The following SYK variants were observed in gnomAD, a reference collection of about 807,000 sequenced individuals.
The protein encoded by SYK is spleen associated tyrosine kinase.
Under a neutral mutation model 77.8 loss-of-function variants are expected in SYK, and 16 were observed. That is an observed-to-expected ratio of 0.21 (90% confidence interval 0.14 to 0.31). SYK has a LOEUF of 0.31. Among genes scored for constraint, SYK ranks in the 10% least tolerant of loss-of-function variants. The pLI is 1.00. For synonymous variants in SYK, 312 were observed against 308.7 expected (o/e 1.01, Z -0.11); for missense variants, 529 against 814.4 (o/e 0.65, Z 4.26).
chr9:90,816,160 AGCGGAGCCTGCCCTTAGAATCT>A (rs1825285790), intron 1 of SYK, among the ~76,000 whole-genome samples: 1 of 152,244 alleles, frequency 6.6e-6, no homozygotes, highest in Non-Finnish European at 1.5e-5. Context: ...CCACCTAGGC[AGCGGAGCCTGCCCTTAGAATCT>A]GCTTCACTGG....
Position 90,884,150 on chromosome 9 carries a change from T to TGTGTATATATATATATATACACATAC in SYK, c.1582-3588_1582-3587insTATATATACACATACGTGTATATATA, listed in dbSNP as rs1554714310. 6.0e-4 allele frequency among the ~76,000 whole-genome samples: 43 copies of TGTGTATATATATATATATACACATAC among 71,454 alleles called. 1 individual carries two copies. The highest frequency in any genetic ancestry group is 1.7e-3 in the Admixed American group (14 of 8,002). 46.9% of individuals were successfully genotyped at this position (71,454 alleles called of 152,430 possible). A position where few individuals can be genotyped will look rare whatever the true frequency, so the allele number is the denominator to read the frequency against. The stretch of plus-strand genomic sequence containing the variant: ...AGTGCCCTACATATATATATGTGTG[T>TGTGTATATATATATATATACACATAC]GTGTATATATACACACATACACATA... On this transcript the variant is annotated intron_variant, in intron 11 of 13. Transcript: ENST00000375754.
intron 11 of SYK, among the ~76,000 whole-genome samples, chr9:90,884,150 T>TGTATATATATATATACACACAC (rs148870003): frequency 1.4e-5 from 1 of 71,428 alleles, no homozygotes; most frequent in Non-Finnish European, 2.8e-5. Context: ...TATATGTGTG[T>TGTATATATATATATACACACAC]GTGTATATAT....
intron 7 of SYK, among the ~76,000 whole-genome samples, 184 bp downstream of exon 7, chr9:90,867,383 G>A (rs145749440): frequency 6.6e-6 from 1 of 152,302 alleles, no homozygotes; most frequent in Non-Finnish European, 1.5e-5. Context: ...TACATCATGT[G>A]CTTTTCATGT....
At chr9:90,871,071 G>A (rs1001840871) in intron 7 of SYK, among the ~76,000 whole-genome samples, 12 of 152,110 alleles carry the variant, frequency 7.9e-5, no homozygotes, top group African/African-American at 2.2e-4. Flanking sequence ...TTTTCTATTC[G>A]CAGTTAAACC....
At chr9:90,808,842 A>T (rs7046173) in intron 1 of SYK, among the ~76,000 whole-genome samples, 35,551 of 151,984 alleles carry the variant, frequency 0.23, 4,224 homozygotes, top group Middle Eastern at 0.35. Context: ...CTGCCTGCAC[A>T]GGGGGACTGT....
chr9:90,861,310 G>A (rs955455314), intron 3 of SYK, among the ~76,000 whole-genome samples: 2 of 152,154 alleles, frequency 1.3e-5, no homozygotes, highest in African/African-American at 4.8e-5. Flanking sequence ...CCAGGACCCA[G>A]GGCAGGGGGT....
At chr9:90,845,361 A>G (rs892024172) in intron 2 of SYK, 73 bp from the exon 3 acceptor site, 11 of 1,510,720 alleles carry the variant, frequency 7.3e-6, no homozygotes, top group Non-Finnish European at 9.8e-6. Context: ...CTCGAGATAG[A>G]TTGGAAATGC....
At chr9:90,888,448 C>A in intron 12 of SYK, 67 bp from the exon 13 acceptor site, 1 of 1,135,862 alleles carries the variant, frequency 8.8e-7, no homozygotes, top group Non-Finnish European at 1.2e-6. Context: ...CTTGGAGTGG[C>A]TGTTTTGTTT....
chr9:90,895,923 C>T lies in SYK; in HGVS notation c.*323C>T, dbSNP rs992416967. Reference sequence around the variant, plus strand: ...CATGTCTTTCCACTTCTCTGGGTCCCGGGGTGCATTTGTTACTCATCGGGC... The same window carrying T: ...CATGTCTTTCCACTTCTCTGGGTCCTGGGGTGCATTTGTTACTCATCGGGC... On this transcript the variant is annotated 3_prime_UTR_variant, in exon 14 of 14. Transcript: ENST00000375754. The surrounding 1 kb of genome is among the most constrained non-coding windows in gnomAD (Gnocchi z 4.4). 17 of 364,134 alleles carry T rather than the reference C, an allele frequency of 4.7e-5. No homozygotes were observed. The South Asian group carries it at 5.7e-4, about 12-fold the overall frequency. The allele number at this position is 364,134 out of a possible 1,614,324, so 22.6% of individuals were successfully genotyped here.
Position 90,895,409 on chromosome 9 carries a change from C to A in SYK, c.1836-119C>A. ...CAGGGACCACGCTGTGAGCTGCAGG[C>A]CCTAGAGTTAGCCACCAGGGAGCAG... On this transcript the variant is annotated intron_variant, in intron 13 of 13. Coordinates refer to ENST00000375754, the MANE Select transcript of SYK (RefSeq NM_003177.7). This position sits in a 1 kb window ranked among gnomAD's most constrained non-coding sequence, Gnocchi z 4.4. The A allele has an allele frequency of 2.0e-6, 2 of 1,016,442 alleles. No homozygotes were observed. Among genetic ancestry groups the A allele is most frequent in the Non-Finnish European group, 3.0e-6 (2 of 663,528 alleles). The allele number at this position is 1,016,442 out of a possible 1,614,324, so 63.0% of individuals were successfully genotyped here. A position where few individuals can be genotyped will look rare whatever the true frequency, so the allele number is the denominator to read the frequency against.
In SYK at chr9:90,864,676, C is replaced by T; in HGVS notation, c.796+9C>T. 2 of 1,611,446 alleles carry T rather than the reference C, an allele frequency of 1.2e-6. No homozygotes were observed. The highest frequency in any genetic ancestry group is 1.7e-6 in the Non-Finnish European group (2 of 1,177,590). ...AAAAATCGGCACACAGGGTGAGTTC[C>T]CAAGACACTGGAGTCTCAGTGTTTG... On this transcript the variant is annotated intron_variant, in intron 5 of 13. Transcript: ENST00000375754.
In SYK at chr9:90,896,803, G is replaced by A. The variant is rs1829005832; in HGVS notation, c.*1203G>A. The A allele has an allele frequency of 4.6e-6, 1 of 217,722 alleles. No individual in the cohort carries two copies. Among genetic ancestry groups the A allele is most frequent in the African/African-American group, 2.2e-5 (1 of 44,494 alleles). 13.5% of individuals were successfully genotyped at this position (217,722 alleles called of 1,614,324 possible). A position where few individuals can be genotyped will look rare whatever the true frequency, so the allele number is the denominator to read the frequency against. On this transcript the variant is annotated 3_prime_UTR_variant, in exon 14 of 14. Coordinates refer to ENST00000375754, the MANE Select transcript of SYK (RefSeq NM_003177.7). ...GCACTTTAGGAGGCCGAGGCGGGTG[G>A]ATCACTTGAGGTAAGGAGTTTGAGA...
At chr9:90,826,560 C>T (rs190646264) in intron 1 of SYK, among the ~76,000 whole-genome samples, 5 of 152,206 alleles carry the variant, frequency 3.3e-5, no homozygotes, top group African/African-American at 4.8e-5. Flanking sequence ...ACTTCCCTCG[C>T]GAGGCTCCTA....
At chr9:90,874,328 C>T (rs779317330) in intron 8 of SYK, 37 bp downstream of exon 8, 12 of 1,595,834 alleles carry the variant, frequency 7.5e-6, no homozygotes, top group Middle Eastern at 1.7e-4. Context: ...ATTCACAGAG[C>T]AAAGTGCGTG....
chr9:90,826,603 C>T (rs1050678830), intron 1 of SYK, among the ~76,000 whole-genome samples: 9 of 152,254 alleles, frequency 5.9e-5, no homozygotes, highest in African/African-American at 1.4e-4. Flanking sequence ...AACATGACTC[C>T]TTCCAGCTTC....
chr9:90,817,636 C>T (rs186945882), intron 1 of SYK, among the ~76,000 whole-genome samples: 9 of 152,152 alleles, frequency 5.9e-5, no homozygotes, highest in African/African-American at 2.2e-4. Flanking sequence ...GATTCCATAT[C>T]TGTGTGTGTG....
chr9:90,835,617 T>C (rs990587031), intron 1 of SYK, among the ~76,000 whole-genome samples: 1 of 151,936 alleles, frequency 6.6e-6, no homozygotes, highest in Admixed American at 6.6e-5. Context: ...GAAGGAGAGA[T>C]GGGGAATCAG....
intron 3 of SYK, among the ~76,000 whole-genome samples, chr9:90,851,635 A>G (rs1826826509): frequency 6.6e-6 from 1 of 152,186 alleles, no homozygotes; most frequent in African/African-American, 2.4e-5. Flanking sequence ...TCAGGGACCA[A>G]GGCAAGGGAG....
intron 1 of SYK, among the ~76,000 whole-genome samples, chr9:90,841,428 A>T (rs896600344): frequency 6.7e-6 from 1 of 148,472 alleles, no homozygotes; most frequent in African/African-American, 2.5e-5. Context: ...AGATGTGTGT[A>T]GTGTGTTGTG....
Sources: gnomAD v4.1 joint callset for allele counts (sites outside exome capture counted in the v4.1 genomes callset) on GRCh38, gnomAD v4.1.1 for gene constraint, Gnocchi (gnomAD v3.1) non-coding constraint, MANE v1.5 for transcripts, NCBI Gene and HGNC (gene_info 2026-07-23, HGNC 2026-07-21) for gene names.